The following MACROD2 variants were observed in gnomAD, a reference collection of about 807,000 sequenced individuals.
MACROD2 encodes the protein mono-ADP ribosylhydrolase 2.
A neutral mutation model predicts 70.4 loss-of-function variants in MACROD2; 36 were observed. The observed-to-expected ratio is 0.51, with a 90% CI of 0.39 to 0.68. MACROD2 has a LOEUF of 0.68. Among genes scored for constraint, MACROD2 ranks in the 30% least tolerant of loss-of-function variants. MACROD2 has a pLI of 0.00. For synonymous variants in MACROD2, 172 were observed against 178.8 expected (o/e 0.96, Z 0.30); for missense variants, 496 against 538.4 (o/e 0.92, Z 0.78).
intron 8 of MACROD2, among the ~76,000 whole-genome samples, chr20:15,582,121 C>A (rs1286307113): frequency 9.9e-5 from 14 of 140,890 alleles, no homozygotes; most frequent in Admixed American, 7.0e-5. Flanking sequence ...GACTCGGTCT[C>A]AAAAAAAAAA....
intron 8 of MACROD2, among the ~76,000 whole-genome samples, chr20:15,825,162 C>T (rs1296302917): frequency 6.6e-6 from 1 of 152,100 alleles, no homozygotes; most frequent in Non-Finnish European, 1.5e-5. Flanking sequence ...AATTTTTTGT[C>T]ATGCCCCCCA....
chr20:14,514,604 G>C (rs1211331324), intron 4 of MACROD2, among the ~76,000 whole-genome samples: 1 of 152,098 alleles, frequency 6.6e-6, no homozygotes, highest in African/African-American at 2.4e-5. Flanking sequence ...TTTTATCGCA[G>C]GTAATGTTAT....
chr20:14,894,810 T>C (rs2073808165), intron 5 of MACROD2: 1 of 152,202 alleles, frequency 6.6e-6, no homozygotes, highest in South Asian at 2.1e-4. Flanking sequence ...TGTTTACTGA[T>C]AAATTTTGTG....
chr20:15,525,580 A>G lies in MACROD2; in HGVS notation c.645+25733A>G, dbSNP rs150061584. Among the ~76,000 whole-genome samples the G allele has an allele frequency of 2.6e-5, 4 of 152,358 alleles. No individual in the cohort carries two copies. The East Asian group carries it at 5.8e-4, about 22-fold the overall frequency. ...ACCCAAAGCAATTGAATGCAGAGCT[A>G]TCAACATGAATAAGGGCAAGTCAAC... On this transcript the variant is annotated intron_variant, in intron 8 of 17. Transcript: ENST00000684519.
At chr20:15,300,892 A>G (rs911538049) in intron 6 of MACROD2, among the ~76,000 whole-genome samples, 1 of 152,212 alleles carries the variant, frequency 6.6e-6, no homozygotes, top group African/African-American at 2.4e-5. Flanking sequence ...GAAGACCCGG[A>G]TGGAATGGGC....
chr20:15,312,448 G>C (rs1404152366), intron 6 of MACROD2, among the ~76,000 whole-genome samples: 2 of 152,200 alleles, frequency 1.3e-5, no homozygotes, highest in Admixed American at 6.5e-5. Context: ...TAAGTTCATA[G>C]ATCAGATGAT....
intron 12 of MACROD2, among the ~76,000 whole-genome samples, chr20:15,939,044 T>C (rs2065710281): frequency 6.6e-6 from 1 of 152,182 alleles, no homozygotes; most frequent in African/African-American, 2.4e-5. Flanking sequence ...AAAAGGAAAG[T>C]TGGACGTTAG....
intron 8 of MACROD2, among the ~76,000 whole-genome samples, chr20:15,786,964 T>C (rs181070398): frequency 7.9e-5 from 12 of 152,178 alleles, no homozygotes; most frequent in African/African-American, 2.4e-4. Flanking sequence ...TTTGTTTTGT[T>C]TTGTTTTTGT....
At chr20:14,936,109 CA>C (rs546469694) in intron 5 of MACROD2, among the ~76,000 whole-genome samples, 1 of 151,502 alleles carries the variant, frequency 6.6e-6, no homozygotes, top group Non-Finnish European at 1.5e-5. Context: ...AAAACATCTG[CA>C]AAAAAAATGT....
At chr20:15,153,861 A>G (rs980402988) in intron 5 of MACROD2, among the ~76,000 whole-genome samples, 4 of 152,142 alleles carry the variant, frequency 2.6e-5, no homozygotes, top group Non-Finnish European at 4.4e-5. Context: ...GTGGAAACCC[A>G]TGGAGCTGTA....
At chr20:15,594,708 A>T (rs951291149) in intron 8 of MACROD2, among the ~76,000 whole-genome samples, 1 of 152,210 alleles carries the variant, frequency 6.6e-6, no homozygotes, top group Non-Finnish European at 1.5e-5. Context: ...AAATTAATAA[A>T]TGTTTAACAT....
chr20:15,979,729 A>G (rs1196689479), intron 13 of MACROD2, among the ~76,000 whole-genome samples: 1 of 152,200 alleles, frequency 6.6e-6, no homozygotes, highest in African/African-American at 2.4e-5. Context: ...TAAATGCTAC[A>G]GGGGAGGGTA....
rs1030780988 is a variant in MACROD2 at position 14,896,250 on chromosome 20, G to C, written c.418+211291G>C. Reference sequence around the variant, plus strand: ...GCAGAGGTTGCAGTGAGCAGAGATTGCACCACTGCACTTCAGCCTGGGCGA... The same window carrying C: ...GCAGAGGTTGCAGTGAGCAGAGATTCCACCACTGCACTTCAGCCTGGGCGA... On this transcript the variant is annotated intron_variant, in intron 5 of 17. Transcript: ENST00000684519. 5.3e-5 allele frequency among the ~76,000 whole-genome samples: 8 copies of C among 151,990 alleles called. No individual in the cohort carries two copies. In the East Asian group the frequency reaches 9.7e-4, roughly 18 times the overall value.
chr20:14,791,654 C>A (rs4141462), intron 5 of MACROD2, among the ~76,000 whole-genome samples: 3,492 of 152,066 alleles, frequency 0.023, 130 homozygotes, highest in East Asian at 0.11. Context: ...CTCATTATTT[C>A]CATGATCCCC....
chr20:14,146,621 A>G (rs1198974076), intron 3 of MACROD2, among the ~76,000 whole-genome samples: 1 of 152,234 alleles, frequency 6.6e-6, no homozygotes, highest in Non-Finnish European at 1.5e-5. Context: ...TGGAAATTAT[A>G]AAATCCTACT....
chr20:14,016,489 A>T (rs1054282250), intron 2 of MACROD2, among the ~76,000 whole-genome samples: 1 of 152,104 alleles, frequency 6.6e-6, no homozygotes, highest in African/African-American at 2.4e-5. Context: ...GTTAAATCCA[A>T]TGTTTCATAA....
At chr20:14,972,005 G>T (rs116596812) in intron 5 of MACROD2, among the ~76,000 whole-genome samples, 4,132 of 152,262 alleles carry the variant, frequency 0.027, 190 homozygotes, top group African/African-American at 0.093. Flanking sequence ...TGTTAGAAAA[G>T]AAAATGATTT....
At chr20:15,102,636 G>A (rs1048842847) in intron 5 of MACROD2, among the ~76,000 whole-genome samples, 10 of 152,066 alleles carry the variant, frequency 6.6e-5, no homozygotes, top group African/African-American at 2.2e-4. Flanking sequence ...GTATGTGTAT[G>A]TGTGTGCATG....
At chr20:14,172,804 C>T (rs2148725411) in intron 3 of MACROD2, among the ~76,000 whole-genome samples, 1 of 152,126 alleles carries the variant, frequency 6.6e-6, no homozygotes, top group African/African-American at 2.4e-5. Context: ...GGATTTGTTT[C>T]AAGATTTGGA....
Sources: gnomAD v4.1 joint callset for allele counts (sites outside exome capture counted in the v4.1 genomes callset) on GRCh38, gnomAD v4.1.1 for gene constraint, MANE v1.5 for transcripts, NCBI Gene and HGNC (gene_info 2026-07-23, HGNC 2026-07-21) for gene names.